The following ST3GAL1 variants were observed in gnomAD, a reference collection of about 807,000 sequenced individuals.
ST3GAL1 encodes ST3 beta-galactoside alpha-2,3-sialyltransferase 1.
ST3GAL1 carries 16 observed loss-of-function variants against 34.1 expected under a neutral mutation model. The observed-to-expected ratio is 0.47, with a 90% CI of 0.32 to 0.71. ST3GAL1 has a LOEUF of 0.71. Among genes scored for constraint, ST3GAL1 ranks in the 30% least tolerant of loss-of-function variants. ST3GAL1 has a pLI of 0.04. For synonymous variants in ST3GAL1, 191 were observed against 184.7 expected, an observed-to-expected ratio of 1.03 and a Z score of -0.28; for missense variants, 353 against 447.4, an observed-to-expected ratio of 0.79 and a Z score of 1.90.
At position 133,508,372 on chromosome 8, in the gene ST3GAL1, G is replaced by A. The variant is rs528049284; in HGVS notation, c.-428-9183C>T. On this transcript the variant is annotated intron_variant, in intron 2 of 9. Coordinates refer to ENST00000522652, the MANE Select transcript of ST3GAL1 (RefSeq NM_173344.3). The surrounding 1 kb of genome is among the most constrained non-coding windows in gnomAD (Gnocchi z 4.1). Reference sequence around the variant, plus strand: ...GGGACAGCCTCATGGTACAGTTTGTGCTCTGGGGTTGGCCGTGGGATCAGG... The same window carrying A: ...GGGACAGCCTCATGGTACAGTTTGTACTCTGGGGTTGGCCGTGGGATCAGG... 1.4e-4 allele frequency among the ~76,000 whole-genome samples: 22 copies of A among 152,280 alleles called. No homozygotes were observed. The South Asian group carries it at 4.4e-3, about 30-fold the overall frequency.
intron 3 of ST3GAL1, among the ~76,000 whole-genome samples, chr8:133,497,728 C>G (rs2130989131): frequency 6.6e-6 from 1 of 152,142 alleles, no homozygotes; most frequent in East Asian, 1.9e-4. Context: ...CTGCCTCGGC[C>G]TCCCAATGTG....
intron 5 of ST3GAL1, among the ~76,000 whole-genome samples, chr8:133,470,204 G>A (rs1815896983): frequency 6.6e-6 from 1 of 152,210 alleles, no homozygotes; most frequent in Non-Finnish European, 1.5e-5. Flanking sequence ...TGGGTCACCT[G>A]TGGTCAGGAG....
intron 2 of ST3GAL1, among the ~76,000 whole-genome samples, chr8:133,529,934 G>A (rs760475035): frequency 2.7e-5 from 4 of 148,186 alleles, no homozygotes; most frequent in Admixed American, 2.0e-4. Context: ...CCCCCTGCCC[G>A]CTCCTTTCTA....
intron 5 of ST3GAL1, among the ~76,000 whole-genome samples, chr8:133,471,380 G>C (rs1169295896): frequency 2.0e-5 from 3 of 152,214 alleles, no homozygotes; most frequent in African/African-American, 4.8e-5. Flanking sequence ...GCGGTGCTTA[G>C]AAATGGCTCG....
intron 3 of ST3GAL1, among the ~76,000 whole-genome samples, chr8:133,491,250 G>A (rs1031394044): frequency 2.8e-5 from 2 of 70,758 alleles, no homozygotes; most frequent in Admixed American, 2.7e-4. Context: ...TGTGTGGATC[G>A]AGGAGTGCTA....
chr8:133,530,439 G>A (rs1034573358), intron 2 of ST3GAL1, among the ~76,000 whole-genome samples: 3 of 152,034 alleles, frequency 2.0e-5, no homozygotes, highest in Non-Finnish European at 4.4e-5. Flanking sequence ...GTGCCACCAC[G>A]CTGAGTTAAT....
rs201364940 is a variant in ST3GAL1, at chr8:133,506,654, A to G, written c.-428-7465T>C. The stretch of plus-strand genomic sequence containing the variant: ...ACAAAAATTAGCCGGGCGTGGTGGT[A>G]CGCACCTGTAATCCCAGCTACTCAG... On this transcript the variant is annotated intron_variant, in intron 2 of 9. Transcript: ENST00000522652. Among the ~76,000 whole-genome samples, 11 of 152,156 alleles carry G rather than the reference A, an allele frequency of 7.2e-5. No individual in the cohort carries two copies. The East Asian group carries it at 1.7e-3, about 24-fold the overall frequency.
chr8:133,503,621 G>A (rs916239455), intron 2 of ST3GAL1, among the ~76,000 whole-genome samples: 3 of 152,014 alleles, frequency 2.0e-5, no homozygotes, highest in Admixed American at 6.6e-5. Flanking sequence ...TGTCTAACCC[G>A]CATGGACTCT....
At chr8:133,520,923 C>G (rs1227246496) in intron 2 of ST3GAL1, among the ~76,000 whole-genome samples, 1 of 150,118 alleles carries the variant, frequency 6.7e-6, no homozygotes, top group African/African-American at 2.4e-5. Context: ...AGGTGTGCAC[C>G]ACCACACCCA....
intron 3 of ST3GAL1, among the ~76,000 whole-genome samples, chr8:133,490,303 C>T (rs1439809174): frequency 1.3e-5 from 1 of 75,984 alleles, no homozygotes; most frequent in Admixed American, 1.4e-4. Flanking sequence ...CTTCCATGCT[C>T]CACTGCCGTA....
At position 133,463,397 on chromosome 8, in the gene ST3GAL1, C is replaced by T; in HGVS notation, c.729+17G>A. ...GAAGCCTGAACTTAGAACAGAGGGGCCGGGGCCTCCACTCACCTTATCCTG... is the reference window on the plus strand; with the variant it reads ...GAAGCCTGAACTTAGAACAGAGGGGTCGGGGCCTCCACTCACCTTATCCTG... On this transcript the variant is annotated intron_variant, in intron 8 of 9. Transcript: ENST00000522652. 9.3e-6 allele frequency: 15 copies of T among 1,613,750 alleles called. No homozygotes were observed. The highest frequency in any genetic ancestry group is 1.3e-5 in the Non-Finnish European group (15 of 1,179,890).
chr8:133,540,481 G>T (rs1818432935), intron 2 of ST3GAL1, among the ~76,000 whole-genome samples: 1 of 152,054 alleles, frequency 6.6e-6, no homozygotes. Flanking sequence ...GTTCTCTGAG[G>T]GGAAATGACA....
In ST3GAL1 at chr8:133,459,627, G is replaced by T; in HGVS notation, c.*137C>A. On this transcript the variant is annotated 3_prime_UTR_variant, in exon 10 of 10. Transcript: ENST00000522652. This position sits in a 1 kb window ranked among gnomAD's most constrained non-coding sequence, Gnocchi z 4.7. ...GAGTAGATGCTGCCAACGGCTGGGT[G>T]CAAGAGGCTGTGAGCGGTGCCCAGG... is the stretch of plus-strand genomic sequence containing the variant. The T allele has an allele frequency of 1.8e-6, 2 of 1,131,820 alleles. No individual in the cohort carries two copies. Among genetic ancestry groups the T allele is most frequent in the African/African-American group, 1.6e-5 (1 of 63,092 alleles). 70.1% of individuals were successfully genotyped at this position (1,131,820 alleles called of 1,614,324 possible).
At chr8:133,487,916 C>T (rs1346988503) in intron 3 of ST3GAL1, among the ~76,000 whole-genome samples, 2 of 148,354 alleles carry the variant, frequency 1.3e-5, no homozygotes, top group African/African-American at 5.0e-5. Context: ...TGCAGTGAGC[C>T]GAGATTGCAC....
rs548275993 is a variant in ST3GAL1, at chr8:133,545,754, G to C, written c.-429+20C>G. On this transcript the variant is annotated intron_variant, in intron 2 of 9. Transcript: ENST00000522652. ...AGACAGCACATCTCACTTGTGCTGC[G>C]GACAGATTAGTCACTTTACCTCCAT... The C allele has an allele frequency of 6.6e-6, 1 of 152,050 alleles. No homozygotes were observed. Among genetic ancestry groups the C allele is most frequent in the Non-Finnish European group, 1.5e-5 (1 of 68,034 alleles). The allele number at this position is 152,050 out of a possible 1,614,324, so 9.4% of individuals were successfully genotyped here.
Position 133,541,118 on chromosome 8 carries a change from T to TAGAGAGAGAGAGAG in ST3GAL1, c.-429+4655_-429+4656insCTCTCTCTCTCTCT, listed in dbSNP as rs1243400532. Among the ~76,000 whole-genome samples the TAGAGAGAGAGAGAG allele has an allele frequency of 5.7e-3, 297 of 52,130 alleles. 19 individuals carry two copies. The highest frequency in any genetic ancestry group is 7.3e-3 in the Non-Finnish European group (213 of 29,366). The allele number at this position is 52,130 out of a possible 152,430, so 34.2% of individuals were successfully genotyped here. ...AAACATATATATATATATATATATA[T>TAGAGAGAGAGAGAG]ATAGAGAGAGAGAGAGAGAGAGAGA... is the stretch of plus-strand genomic sequence containing the variant. On this transcript the variant is annotated intron_variant, in intron 2 of 9. Transcript: ENST00000522652.
intron 1 of ST3GAL1, among the ~76,000 whole-genome samples, chr8:133,551,594 GAAAGAAAGAA>G (rs1308701554): frequency 1.3e-5 from 2 of 150,334 alleles, no homozygotes; most frequent in Non-Finnish European, 2.9e-5. Context: ...AAGAAAGAAA[GAAAGAAAGAA>G]AGAAAGAAAG....
At chr8:133,559,684 T>A (rs1819159730) in intron 1 of ST3GAL1, among the ~76,000 whole-genome samples, 2 of 152,176 alleles carry the variant, frequency 1.3e-5, no homozygotes. Context: ...TTTCTCTCCA[T>A]TGTGAAGATG....
At chr8:133,558,505 C>A (rs933192812) in intron 1 of ST3GAL1, among the ~76,000 whole-genome samples, 3 of 152,200 alleles carry the variant, frequency 2.0e-5, no homozygotes, top group African/African-American at 2.4e-5. Context: ...AAGGTTACTG[C>A]AAAGGCTCTT....
Sources: allele counts gnomAD v4.1 joint callset (sites outside exome capture counted in the v4.1 genomes callset), GRCh38; gene constraint gnomAD v4.1.1; non-coding constraint Gnocchi (gnomAD v3.1); transcripts MANE v1.5; gene names NCBI Gene and HGNC (gene_info 2026-07-23, HGNC 2026-07-21).